Variants in GRIK1 observed in about 807,000 individuals in gnomAD.
The protein encoded by GRIK1 is glutamate ionotropic receptor kainate type subunit 1.
In GRIK1, 69 loss-of-function variants were observed where a neutral mutation model predicts 105.7. The observed-to-expected ratio is 0.65, with a 90% CI of 0.54 to 0.80. The LOEUF (loss-of-function observed/expected upper bound fraction) is 0.80, where lower values mean the gene tolerates loss of function less well. GRIK1 is among the 30% of genes least tolerant of loss of function. The probability of loss-of-function intolerance (pLI) is 0.00; values close to 1 mark genes in which losing one functional copy is unlikely to be tolerated. For missense variants in GRIK1, 1,109 were observed against 1,167.3 expected, an observed-to-expected ratio of 0.95 and a Z score of 0.73; for synonymous variants, 438 against 431.3, an observed-to-expected ratio of 1.02 and a Z score of -0.19.
At chr21:29,606,248 G>A (rs1212911345) in intron 7 of GRIK1, among the ~76,000 whole-genome samples, 1 of 152,052 alleles carries the variant, frequency 6.6e-6, no homozygotes, top group Non-Finnish European at 1.5e-5. Flanking sequence ...AATTATAATT[G>A]TATTGACCTA....
chr21:29,778,482 T>C (rs1411124758), intron 1 of GRIK1, among the ~76,000 whole-genome samples: 2 of 152,240 alleles, frequency 1.3e-5, no homozygotes, highest in Non-Finnish European at 2.9e-5. Context: ...GACTCCTTCA[T>C]GAAAGATGTT....
At chr21:29,838,873 C>T (rs1248803559) in intron 1 of GRIK1, among the ~76,000 whole-genome samples, 1 of 152,028 alleles carries the variant, frequency 6.6e-6, no homozygotes, top group African/African-American at 2.4e-5. Context: ...CCTCACAGAT[C>T]ACAGAAATTT....
intron 1 of GRIK1, among the ~76,000 whole-genome samples, chr21:29,778,982 A>C (rs2066018042): frequency 6.6e-6 from 1 of 152,210 alleles, no homozygotes; most frequent in Non-Finnish European, 1.5e-5. Context: ...CTTCCTTGAA[A>C]TCTTCTATTT....
chr21:29,576,429 G>C (rs16984385), intron 14 of GRIK1, among the ~76,000 whole-genome samples: 1 of 151,994 alleles, frequency 6.6e-6, no homozygotes, highest in Non-Finnish European at 1.5e-5. Flanking sequence ...TCATCAATGC[G>C]GACTCAGTAT....
chr21:29,586,632 G>A (rs939912256), intron 12 of GRIK1, among the ~76,000 whole-genome samples: 5 of 152,166 alleles, frequency 3.3e-5, no homozygotes, highest in Non-Finnish European at 5.9e-5. Flanking sequence ...TAAAATAACT[G>A]TTTCAAATTT....
intron 1 of GRIK1, among the ~76,000 whole-genome samples, chr21:29,724,442 A>T (rs1416309107): frequency 6.6e-6 from 1 of 152,190 alleles, no homozygotes; most frequent in Non-Finnish European, 1.5e-5. Context: ...TCTCATCTTC[A>T]TTAGTGAATT....
chr21:29,724,958 T>C (rs913951750), intron 1 of GRIK1, among the ~76,000 whole-genome samples: 9 of 151,906 alleles, frequency 5.9e-5, no homozygotes, highest in African/African-American at 1.9e-4. Flanking sequence ...TCATTGACTT[T>C]AGTCGAATTC....
chr21:29,790,288 C>T (rs929494739), intron 1 of GRIK1, among the ~76,000 whole-genome samples: 1 of 152,158 alleles, frequency 6.6e-6, no homozygotes, highest in Non-Finnish European at 1.5e-5. Flanking sequence ...ACCTCATGAT[C>T]TGCCCACCTC....
intron 15 of GRIK1, among the ~76,000 whole-genome samples, chr21:29,560,357 TTTTCTTTCTTCC>T (rs1568813460): frequency 3.4e-4 from 20 of 58,092 alleles, no homozygotes; most frequent in Non-Finnish European, 4.9e-4. Context: ...CTTTCTTTCT[TTTTCTTTCTTCC>T]TTCCTTCCTT....
At chr21:29,719,357 G>T (rs1277170015) in intron 1 of GRIK1, among the ~76,000 whole-genome samples, 1 of 151,754 alleles carries the variant, frequency 6.6e-6, no homozygotes, top group East Asian at 1.9e-4. Flanking sequence ...TGAGTCAATT[G>T]TAAAAGCAAT....
chr21:29,891,454 C>T (rs963033114), intron 1 of GRIK1, among the ~76,000 whole-genome samples: 3 of 152,134 alleles, frequency 2.0e-5, no homozygotes, highest in Non-Finnish European at 2.9e-5. Flanking sequence ...GCCTGTGTGG[C>T]GTGCATAATG....
At position 29,743,619 on chromosome 21, in the gene GRIK1, C is replaced by T. The variant is rs571131698; in HGVS notation, c.119-49556G>A. ...CTGAGGTAGGAGAATCACTTGAACC[C>T]GGGAGGCAAATGTTGCAGTGAGCTG... On this transcript the variant is annotated intron_variant, in intron 1 of 17. Transcript: ENST00000327783. 3.5e-3 allele frequency among the ~76,000 whole-genome samples: 525 copies of T among 152,106 alleles called. 1 individual carries two copies. Among genetic ancestry groups the T allele is most frequent in the Non-Finnish European group, 6.2e-3 (424 of 67,992 alleles).
chr21:29,895,995 T>A (rs987402596), intron 1 of GRIK1, among the ~76,000 whole-genome samples: 2 of 152,210 alleles, frequency 1.3e-5, no homozygotes, highest in Non-Finnish European at 2.9e-5. Context: ...CCAAGGCACA[T>A]ATTTTCTACC....
rs537324277 is a variant in GRIK1 at position 29,561,382 on chromosome 21, ATTC to A, written c.2356+239_2356+241del. 4.8e-3 allele frequency among the ~76,000 whole-genome samples: 729 copies of A among 152,352 alleles called. 5 individuals are homozygous for A. Among genetic ancestry groups the A allele is most frequent in the African/African-American group, 0.017 (703 of 41,584 alleles). ...TGGGGTGAAATAATAAAATCTATAT[ATTC>A]TTAAACATGTGTTGGTAAAACTTGA... On this transcript the variant is annotated intron_variant, in intron 15 of 17. Transcript: ENST00000327783.
intron 1 of GRIK1, among the ~76,000 whole-genome samples, chr21:29,765,997 G>A (rs1008942140): frequency 3.0e-4 from 46 of 151,924 alleles, no homozygotes; most frequent in African/African-American, 8.4e-4. Flanking sequence ...GACTACAGGC[G>A]CCCGCCACCA....
chr21:29,566,571 C>A (rs1384229334), intron 14 of GRIK1, among the ~76,000 whole-genome samples: 1 of 152,000 alleles, frequency 6.6e-6, no homozygotes, highest in Non-Finnish European at 1.5e-5. Flanking sequence ...TTTCTTTTTT[C>A]CCCCTATAAT....
intron 1 of GRIK1, among the ~76,000 whole-genome samples, chr21:29,894,461 G>A (rs2070032395): frequency 6.6e-6 from 1 of 152,166 alleles, no homozygotes; most frequent in Non-Finnish European, 1.5e-5. Context: ...AGAAGACTCA[G>A]CAAGTCTGTT....
At position 29,885,249 on chromosome 21, in the gene GRIK1, C is replaced by T. The variant is rs113436134; in HGVS notation, c.118+54134G>A. 5.0e-3 allele frequency among the ~76,000 whole-genome samples: 761 copies of T among 151,998 alleles called. 3 individuals carry two copies. The highest frequency in any genetic ancestry group is 8.1e-3 in the Non-Finnish European group (552 of 67,908). ...CAGAGTTTCATGTCAGGGCAATGGACGTTGTATGGTTAAATAGTCTTCAAC... is the reference window on the plus strand; with the variant it reads ...CAGAGTTTCATGTCAGGGCAATGGATGTTGTATGGTTAAATAGTCTTCAAC... On this transcript the variant is annotated intron_variant, in intron 1 of 17. Coordinates refer to ENST00000327783, the MANE Select transcript of GRIK1 (RefSeq NM_001330994.2).
At chr21:29,924,760 C>G (rs879606862) in intron 1 of GRIK1, among the ~76,000 whole-genome samples, 2 of 152,134 alleles carry the variant, frequency 1.3e-5, no homozygotes, top group Admixed American at 6.5e-5. Flanking sequence ...GCGTCTCATC[C>G]TCTTAGAGGT....
Sources: allele counts gnomAD v4.1 joint callset (sites outside exome capture counted in the v4.1 genomes callset), GRCh38; gene constraint gnomAD v4.1.1; transcripts MANE v1.5; gene names NCBI Gene and HGNC (gene_info 2026-07-23, HGNC 2026-07-21).